AGMO: variants seen among roughly 807,000 people sequenced by gnomAD.
AGMO encodes the protein alkylglycerol monooxygenase, also known as glyceryl-ether monooxygenase.
AGMO carries 75 observed loss-of-function variants against 60.2 expected under a neutral mutation model. The ratio of observed to expected loss-of-function variants is 1.25; its 90% CI spans 1.03 to 1.51. The LOEUF (loss-of-function observed/expected upper bound fraction) is 1.51. Among genes scored for constraint, AGMO ranks in the 40% most tolerant of loss-of-function variants. The pLI is 0.00. For missense variants in AGMO, 763 were observed against 525.5 expected (o/e 1.45, Z -4.42); for synonymous variants, 261 against 177.1 (o/e 1.47, Z -3.76).
chr7:15,222,190 C>T (rs1428650423), intron 12 of AGMO, among the ~76,000 whole-genome samples: 2 of 151,924 alleles, frequency 1.3e-5, no homozygotes, highest in African/African-American at 2.4e-5. Flanking sequence ...TTTCTGAATC[C>T]AAAATGTTTA....
the AGMO span, among the ~76,000 whole-genome samples, chr7:15,169,215 T>C: frequency 2.6e-5 from 4 of 152,292 alleles, no homozygotes; most frequent in Middle Eastern, 0.01. Context: ...GACCAGAACA[T>C]ACTTTTGGCT....
the AGMO span, among the ~76,000 whole-genome samples, chr7:15,155,427 T>TG: frequency 7.3e-6 from 1 of 136,522 alleles, no homozygotes; most frequent in South Asian, 2.4e-4. Flanking sequence ...TTCTTTTTTT[T>TG]TTTTTTTTTT....
At chr7:15,437,890 T>C (rs1041043153) in intron 3 of AGMO, among the ~76,000 whole-genome samples, 1 of 152,160 alleles carries the variant, frequency 6.6e-6, no homozygotes, top group Non-Finnish European at 1.5e-5. Flanking sequence ...GTAAGCTCCA[T>C]GAGTCTTTAG....
chr7:15,223,492 A>G lies in AGMO; in HGVS notation c.1264-22133T>C, dbSNP rs551990889. 1.1e-4 allele frequency among the ~76,000 whole-genome samples: 17 copies of G among 152,124 alleles called. No individual in the cohort carries two copies. The East Asian group carries it at 2.5e-3, about 22-fold the overall frequency. On this transcript the variant is annotated intron_variant, in intron 12 of 12. Coordinates refer to ENST00000342526, the MANE Select transcript of AGMO (RefSeq NM_001004320.2). ...TCAATGAGGAAACTAGGTAGATGCT[A>G]TAACTTTTTAAAAAGAAAATGTAAA...
chr7:15,129,166 A>G, the AGMO span, among the ~76,000 whole-genome samples: 2 of 152,070 alleles, frequency 1.3e-5, no homozygotes, highest in African/African-American at 4.8e-5. Flanking sequence ...TCATCAAAGT[A>G]TGATTGCTAC....
chr7:15,349,964 C>T (rs1474881270), intron 12 of AGMO, among the ~76,000 whole-genome samples: 1 of 152,028 alleles, frequency 6.6e-6, no homozygotes, highest in Non-Finnish European at 1.5e-5. Context: ...GGGACACAGC[C>T]AAATCATATC....
chr7:15,395,794 C>T (rs1448359452), intron 5 of AGMO, among the ~76,000 whole-genome samples: 1 of 152,180 alleles, frequency 6.6e-6, no homozygotes, highest in African/African-American at 2.4e-5. Context: ...GCCTAAGTCT[C>T]AGACATATCT....
At chr7:15,557,199 C>A (rs116777152) in intron 2 of AGMO, among the ~76,000 whole-genome samples, 1 of 151,960 alleles carries the variant, frequency 6.6e-6, no homozygotes, top group Admixed American at 6.6e-5. Context: ...ACATGAATGG[C>A]GAAGTGGAAA....
At chr7:15,239,712 T>A (rs1245215367) in intron 12 of AGMO, among the ~76,000 whole-genome samples, 1 of 152,158 alleles carries the variant, frequency 6.6e-6, no homozygotes, top group African/African-American at 2.4e-5. Context: ...CGTTTTACAA[T>A]TTCATTTGCT....
At chr7:15,158,358 A>G in the AGMO span, among the ~76,000 whole-genome samples, 4 of 152,170 alleles carry the variant, frequency 2.6e-5, no homozygotes, top group Non-Finnish European at 5.9e-5. Flanking sequence ...ATCACATTCT[A>G]AAAGAGAAAC....
the AGMO span, among the ~76,000 whole-genome samples, chr7:15,123,204 T>C: frequency 6.6e-6 from 1 of 152,222 alleles, no homozygotes; most frequent in East Asian, 1.9e-4. Context: ...CAATGATCTC[T>C]ATTTTGATTT....
intron 4 of AGMO, among the ~76,000 whole-genome samples, chr7:15,430,453 A>G (rs963294324): frequency 1.3e-5 from 2 of 151,768 alleles, no homozygotes; most frequent in Non-Finnish European, 3.0e-5. Context: ...GAACTCTACA[A>G]GTAGAGGCTA....
chr7:15,273,232 C>T (rs1023397656), intron 12 of AGMO, among the ~76,000 whole-genome samples: 2 of 152,064 alleles, frequency 1.3e-5, no homozygotes, highest in African/African-American at 4.8e-5. Flanking sequence ...TATCGCCTAG[C>T]TTTCCTTCTA....
At chr7:15,518,459 G>C (rs1330488231) in intron 3 of AGMO, among the ~76,000 whole-genome samples, 1 of 152,184 alleles carries the variant, frequency 6.6e-6, no homozygotes, top group Non-Finnish European at 1.5e-5. Flanking sequence ...CTGGGACAGA[G>C]CTTCCAGAGG....
At chr7:15,338,501 G>T (rs973312750) in intron 12 of AGMO, among the ~76,000 whole-genome samples, 1 of 152,126 alleles carries the variant, frequency 6.6e-6, no homozygotes, top group Non-Finnish European at 1.5e-5. Context: ...TGATAGAAAT[G>T]TACCTTCATG....
intron 12 of AGMO, among the ~76,000 whole-genome samples, chr7:15,326,291 C>G (rs182206723): frequency 6.6e-6 from 1 of 152,264 alleles, no homozygotes; most frequent in South Asian, 2.1e-4. Context: ...TATTTGATTA[C>G]TTACTGAAAA....
chr7:15,552,147 T>C (rs1784980558), intron 2 of AGMO, among the ~76,000 whole-genome samples: 2 of 152,150 alleles, frequency 1.3e-5, no homozygotes, highest in Admixed American at 1.3e-4. Context: ...ATCCCTTCCT[T>C]ACACCCTATA....
chr7:15,195,636 C>G (rs976604106), downstream of AGMO, among the ~76,000 whole-genome samples: 1 of 152,212 alleles, frequency 6.6e-6, no homozygotes, highest in Non-Finnish European at 1.5e-5. Context: ...TAGCCCCTTT[C>G]CTATTGGCAC....
At chr7:15,332,920 T>C in intron 12 of AGMO, among the ~76,000 whole-genome samples, 1 of 152,300 alleles carries the variant, frequency 6.6e-6, no homozygotes, top group Middle Eastern at 3.4e-3. Flanking sequence ...CATTTCATGA[T>C]GCTTCCTGGG....
Sources: allele counts gnomAD v4.1 joint callset (sites outside exome capture counted in the v4.1 genomes callset), GRCh38; gene constraint gnomAD v4.1.1; transcripts MANE v1.5; gene names NCBI Gene and HGNC (gene_info 2026-07-23, HGNC 2026-07-21).